The following FGGY variants were observed in gnomAD, a reference collection of about 807,000 sequenced individuals.
The protein encoded by FGGY is FGGY carbohydrate kinase domain-containing protein.
In FGGY, 72 loss-of-function variants were observed where a neutral mutation model predicts 71.3. The ratio of observed to expected loss-of-function variants is 1.01; its 90% confidence interval spans 0.84 to 1.23. The LOEUF is 1.23. Ranked by LOEUF, FGGY falls within the 50% of genes most tolerant of loss-of-function variation. FGGY has a pLI of 0.00. For missense variants in FGGY, 668 were observed against 682.3 expected (o/e 0.98, Z 0.23); for synonymous variants, 251 against 250.3 (o/e 1.00, Z -0.02).
At chr1:59,635,270 G>A (rs1201002999) in intron 10 of FGGY, among the ~76,000 whole-genome samples, 1 of 152,104 alleles carries the variant, frequency 6.6e-6, no homozygotes, top group Non-Finnish European at 1.5e-5. Flanking sequence ...GTAGGAGAAT[G>A]GCTGCATTCA....
chr1:59,508,093 A>G (rs2094438464), intron 6 of FGGY, among the ~76,000 whole-genome samples: 1 of 151,966 alleles, frequency 6.6e-6, no homozygotes, highest in African/African-American at 2.4e-5. Flanking sequence ...GAAACCACCA[A>G]TCTCCAACTT....
At chr1:59,595,055 G>A (rs1293059832) in intron 8 of FGGY, among the ~76,000 whole-genome samples, 3 of 152,184 alleles carry the variant, frequency 2.0e-5, no homozygotes, top group Admixed American at 2.0e-4. Flanking sequence ...TGCTTCCCAA[G>A]TAGCTGAGAG....
intron 8 of FGGY, among the ~76,000 whole-genome samples, chr1:59,606,375 T>C (rs2096623591): frequency 6.6e-6 from 1 of 152,210 alleles, no homozygotes; most frequent in African/African-American, 2.4e-5. Context: ...AGGGAAAAAT[T>C]TGAAAGTTTT....
At chr1:59,299,550 G>A (rs185295105) in intron 1 of FGGY, among the ~76,000 whole-genome samples, 30 of 152,318 alleles carry the variant, frequency 2.0e-4, no homozygotes, top group African/African-American at 6.5e-4. Flanking sequence ...AAATAGAATG[G>A]TTAGGAATGT....
chr1:59,580,313 A>G (rs1049970677), intron 8 of FGGY, among the ~76,000 whole-genome samples: 10 of 152,096 alleles, frequency 6.6e-5, no homozygotes, highest in African/African-American at 2.4e-4. Flanking sequence ...TAGTTCTCAA[A>G]TGGAGGGTGC....
intron 2 of FGGY, among the ~76,000 whole-genome samples, chr1:59,327,525 A>G (rs1346388279): frequency 6.6e-6 from 1 of 152,100 alleles, no homozygotes; most frequent in East Asian, 1.9e-4. Flanking sequence ...GTCTTGAGCC[A>G]CTCAAAGTCA....
intron 8 of FGGY, among the ~76,000 whole-genome samples, chr1:59,564,136 A>G (rs1306562100): frequency 6.6e-6 from 1 of 152,226 alleles, no homozygotes; most frequent in Non-Finnish European, 1.5e-5. Flanking sequence ...ATGGACAAAG[A>G]CTTCATGACT....
intron 4 of FGGY, among the ~76,000 whole-genome samples, chr1:59,374,700 T>C (rs1297918284): frequency 6.6e-6 from 1 of 152,010 alleles, no homozygotes; most frequent in Admixed American, 6.5e-5. Flanking sequence ...GTGGCACATA[T>C]ACACCATGGA....
chr1:59,698,841 G>A (rs904917144), intron 14 of FGGY: 3 of 985,234 alleles, frequency 3.0e-6, no homozygotes, highest in African/African-American at 1.7e-5. Flanking sequence ...CCACAGCCAA[G>A]AGAACAGAGA....
intron 7 of FGGY, among the ~76,000 whole-genome samples, chr1:59,532,737 A>G (rs1473031728): frequency 6.6e-6 from 1 of 152,176 alleles, no homozygotes; most frequent in Non-Finnish European, 1.5e-5. Context: ...CAATGTTCCA[A>G]TTCTTACCAC....
chr1:59,627,489 T>TACAC (rs34618549), intron 10 of FGGY, among the ~76,000 whole-genome samples: 57 of 92,708 alleles, frequency 6.1e-4, no homozygotes, highest in African/African-American at 1.3e-3. Context: ...TATATATATA[T>TACAC]ACACACACAC....
chr1:59,373,754 A>T (rs968304886), intron 4 of FGGY, among the ~76,000 whole-genome samples: 3 of 152,126 alleles, frequency 2.0e-5, no homozygotes, highest in Non-Finnish European at 2.9e-5. Flanking sequence ...ATAACGCCGC[A>T]TATCTACAAC....
chr1:59,495,866 T>C (rs1424210245), intron 6 of FGGY, among the ~76,000 whole-genome samples: 1 of 152,220 alleles, frequency 6.6e-6, no homozygotes, highest in African/African-American at 2.4e-5. Flanking sequence ...ACTAGTGTCA[T>C]ACTGTTTTAG....
rs2097942383 is a variant in FGGY at position 59,725,939 on chromosome 1, TC to T, written c.1513-31990del. Among the ~76,000 whole-genome samples, 3 of 152,152 alleles carry T rather than the reference TC, an allele frequency of 2.0e-5. No individual in the cohort carries two copies. In the South Asian group the frequency reaches 6.2e-4, roughly 32 times the overall value. On this transcript the variant is annotated intron_variant, in intron 14 of 15. Transcript: ENST00000303721. The stretch of plus-strand genomic sequence containing the variant: ...TTGTCTTTTTGCACTAGCTAAGACT[TC>T]CAGTACAGTCTTGAATAGGAGTGGT...
At chr1:59,563,112 G>C (rs1360067405) in intron 8 of FGGY, among the ~76,000 whole-genome samples, 1 of 152,046 alleles carries the variant, frequency 6.6e-6, no homozygotes, top group Non-Finnish European at 1.5e-5. Flanking sequence ...TGATTGCCCT[G>C]GCCAGAACTT....
chr1:59,670,718 A>G (rs141992135), intron 13 of FGGY, among the ~76,000 whole-genome samples: 36 of 6,098 alleles, frequency 5.9e-3, no homozygotes, highest in African/African-American at 0.019. Flanking sequence ...CATTTGAGGG[A>G]AAAAAAAAAG....
chr1:59,611,414 T>G (rs557865710), intron 9 of FGGY, among the ~76,000 whole-genome samples: 1 of 152,184 alleles, frequency 6.6e-6, no homozygotes, highest in East Asian at 1.9e-4. Context: ...GCCAGCAATC[T>G]CCAACAGACC....
intron 4 of FGGY, among the ~76,000 whole-genome samples, chr1:59,363,410 C>G (rs1327903312): frequency 6.6e-6 from 1 of 152,162 alleles, no homozygotes; most frequent in Non-Finnish European, 1.5e-5. Flanking sequence ...GTGCTGTAAA[C>G]AGATTACCTA....
intron 8 of FGGY, among the ~76,000 whole-genome samples, chr1:59,598,329 C>G (rs114271233): frequency 0.01 from 1,555 of 152,274 alleles, 12 homozygotes; most frequent in Non-Finnish European, 0.015. Flanking sequence ...GCTATTCTCT[C>G]TCTCTTGCAA....
Sources: allele counts gnomAD v4.1 joint callset (sites outside exome capture counted in the v4.1 genomes callset), GRCh38; gene constraint gnomAD v4.1.1; transcripts MANE v1.5; gene names NCBI Gene and HGNC (gene_info 2026-07-23, HGNC 2026-07-21).